ATP8A2: variants seen among roughly 807,000 people sequenced by gnomAD.
ATP8A2 encodes phospholipid-transporting ATPase IB.
In ATP8A2, 100 loss-of-function variants were observed where a neutral mutation model predicts 165.6. The ratio of observed to expected loss-of-function variants is 0.60; its 90% CI spans 0.51 to 0.71. The LOEUF is 0.71. Among genes scored for constraint, ATP8A2 ranks in the 30% least tolerant of loss-of-function variants. The pLI is 0.00. For synonymous variants in ATP8A2, 543 were observed against 548.8 expected, an observed-to-expected ratio of 0.99 and a Z score of 0.15; for missense variants, 1,227 against 1,479.5, an observed-to-expected ratio of 0.83 and a Z score of 2.80.
chr13:25,849,595 C>A (rs923360199), intron 30 of ATP8A2, among the ~76,000 whole-genome samples: 2 of 152,180 alleles, frequency 1.3e-5, no homozygotes, highest in Non-Finnish European at 2.9e-5. Context: ...TTTTTGCAGA[C>A]AACATTTTCG....
chr13:25,430,702 A>G (rs943005761), intron 1 of ATP8A2, among the ~76,000 whole-genome samples: 8 of 152,058 alleles, frequency 5.3e-5, no homozygotes, highest in Admixed American at 4.6e-4. Context: ...GTTTCAAGCG[A>G]TTCTCCTACC....
At chr13:25,907,334 G>A (rs1352356240) in intron 33 of ATP8A2, among the ~76,000 whole-genome samples, 1 of 152,154 alleles carries the variant, frequency 6.6e-6, no homozygotes, top group South Asian at 2.1e-4. Flanking sequence ...CCTGGCAGGA[G>A]AGCGAGACTC....
At chr13:25,881,486 A>T (rs1424252052) in intron 33 of ATP8A2, among the ~76,000 whole-genome samples, 1 of 151,992 alleles carries the variant, frequency 6.6e-6, no homozygotes, top group Admixed American at 6.6e-5. Flanking sequence ...TTTGTGTAGG[A>T]CTGTGCTTGA....
chr13:25,682,415 C>T (rs556414783), intron 24 of ATP8A2, among the ~76,000 whole-genome samples: 12 of 152,318 alleles, frequency 7.9e-5, no homozygotes, highest in South Asian at 6.2e-4. Context: ...GCATGCTCCC[C>T]GGCAGCTGTT....
intron 33 of ATP8A2, among the ~76,000 whole-genome samples, chr13:25,948,149 A>G (rs1000918621): frequency 6.6e-6 from 1 of 152,096 alleles, no homozygotes; most frequent in African/African-American, 2.4e-5. Context: ...TCTATAGCAC[A>G]GCTCAACCCT....
At chr13:25,871,183 A>C (rs1335560629) in intron 33 of ATP8A2, 1 of 414,520 alleles carries the variant, frequency 2.4e-6, no homozygotes, top group Non-Finnish European at 4.7e-6. Flanking sequence ...TTTTTAAAAT[A>C]TCTGTCAGCA....
intron 1 of ATP8A2, among the ~76,000 whole-genome samples, chr13:25,439,507 A>G (rs1392131263): frequency 6.6e-6 from 1 of 152,220 alleles, no homozygotes; most frequent in East Asian, 1.9e-4. Flanking sequence ...TGCTTGTCAG[A>G]CTTTTAAAGC....
intron 3 of ATP8A2, 147 bp downstream of exon 3, chr13:25,530,245 C>G (rs2037987680): frequency 3.2e-6 from 2 of 625,022 alleles, no homozygotes; most frequent in Admixed American, 3.0e-5. Context: ...AGTGAACAAG[C>G]CTGACTTTGT....
intron 25 of ATP8A2, among the ~76,000 whole-genome samples, chr13:25,734,223 C>A (rs1164973991): frequency 1.3e-5 from 2 of 152,226 alleles, no homozygotes; most frequent in African/African-American, 2.4e-5. Context: ...TTCCTAATTA[C>A]CTTCTCCCAT....
chr13:25,789,930 C>CATG (rs1231241040), intron 27 of ATP8A2, among the ~76,000 whole-genome samples: 3 of 152,136 alleles, frequency 2.0e-5, no homozygotes, highest in African/African-American at 7.2e-5. Flanking sequence ...AGACCACATA[C>CATG]CTACAACCAT....
rs1182775631 is a variant in ATP8A2 at position 25,510,208 on chromosome 13, CACACACACACACAG to C, written c.222-19789_222-19776del. On this transcript the variant is annotated intron_variant, in intron 2 of 36. Coordinates refer to ENST00000381655, the MANE Select transcript of ATP8A2 (RefSeq NM_016529.6). ...ACACACACACACACACACACACACA[CACACACACACACAG>C]AGAATGTTGAAATAAATGGATGGAT... Among the ~76,000 whole-genome samples, 268 of 129,330 alleles carry C rather than the reference CACACACACACACAG, an allele frequency of 2.1e-3. 2 individuals carry two copies. The highest frequency in any genetic ancestry group is 4.3e-3 in the Middle Eastern group (1 of 234). The allele number at this position is 129,330 out of a possible 152,430, so 84.8% of individuals were successfully genotyped here.
chr13:25,602,796 G>A (rs994203697), intron 24 of ATP8A2, among the ~76,000 whole-genome samples: 5 of 152,204 alleles, frequency 3.3e-5, no homozygotes, highest in Non-Finnish European at 5.9e-5. Context: ...TCTGGGCCAG[G>A]CACAGTGGCT....
chr13:25,749,384 C>T (rs1009750533), intron 25 of ATP8A2, among the ~76,000 whole-genome samples: 5 of 152,052 alleles, frequency 3.3e-5, no homozygotes, highest in African/African-American at 4.8e-5. Flanking sequence ...AGGAAGGAGA[C>T]GACACTGGAG....
chr13:25,862,272 C>G lies in ATP8A2; in HGVS notation c.3076-29C>G, dbSNP rs80072399. Reference sequence around the variant, plus strand: ...TGAATCTGCCAGGCTGGTCGAGAAGCCTGTCTGAGTGTCTATTTCCCTCTG... The same window carrying G: ...TGAATCTGCCAGGCTGGTCGAGAAGGCTGTCTGAGTGTCTATTTCCCTCTG... On this transcript the variant is annotated intron_variant, in intron 32 of 36. Transcript: ENST00000381655. 1,395 of 1,558,750 alleles carry G rather than the reference C, an allele frequency of 8.9e-4. 12 individuals carry two copies. In the African/African-American group the frequency reaches 0.016, roughly 18 times the overall value.
intron 27 of ATP8A2, among the ~76,000 whole-genome samples, chr13:25,824,600 T>C (rs1951267450): frequency 6.6e-6 from 1 of 152,182 alleles, no homozygotes; most frequent in Admixed American, 6.5e-5. Context: ...CCTATCACTT[T>C]GCAATCATAA....
intron 27 of ATP8A2, among the ~76,000 whole-genome samples, chr13:25,794,859 A>ACACC (rs1378534914): frequency 1.2e-4 from 17 of 143,604 alleles, no homozygotes; most frequent in Admixed American, 5.6e-4. Flanking sequence ...ACACACACAC[A>ACACC]CCTTCTCTCT....
At chr13:25,851,506 C>A (rs544001838) in intron 30 of ATP8A2, among the ~76,000 whole-genome samples, 2 of 151,748 alleles carry the variant, frequency 1.3e-5, no homozygotes, top group South Asian at 4.2e-4. Context: ...TCGCTTGAAC[C>A]CAGGAGGCAG....
chr13:25,485,753 C>T (rs2036332977), intron 2 of ATP8A2, among the ~76,000 whole-genome samples: 1 of 152,192 alleles, frequency 6.6e-6, no homozygotes, highest in South Asian at 2.1e-4. Flanking sequence ...TAGTATTGGA[C>T]TGTCAGGAAT....
chr13:25,567,967 A>ACAT (rs1459938210), intron 16 of ATP8A2, among the ~76,000 whole-genome samples: 1 of 152,240 alleles, frequency 6.6e-6, no homozygotes, highest in Non-Finnish European at 1.5e-5. Flanking sequence ...TTGCGGCTGC[A>ACAT]CATGCCCCAC....
Sources: allele counts gnomAD v4.1 joint callset (sites outside exome capture counted in the v4.1 genomes callset), GRCh38; gene constraint gnomAD v4.1.1; transcripts MANE v1.5; gene names NCBI Gene and HGNC (gene_info 2026-07-23, HGNC 2026-07-21).